The following GPAM variants were observed in gnomAD, a reference collection of about 807,000 sequenced individuals.
The protein encoded by GPAM is glycerol-3-phosphate acyltransferase 1, mitochondrial.
Under a neutral mutation model 105.0 loss-of-function variants are expected in GPAM, and 56 were observed. The observed-to-expected ratio is 0.53, with a 90% CI of 0.43 to 0.67. GPAM has a LOEUF of 0.67. Among genes scored for constraint, GPAM ranks in the 30% least tolerant of loss-of-function variants. The pLI is 0.00. For missense variants in GPAM, 855 were observed against 989.8 expected (o/e 0.86, Z 1.83); for synonymous variants, 368 against 354.4 (o/e 1.04, Z -0.43).
At chr10:112,203,222 A>G (rs1847819547) in intron 1 of GPAM, among the ~76,000 whole-genome samples, 1 of 152,250 alleles carries the variant, frequency 6.6e-6, no homozygotes, top group Non-Finnish European at 1.5e-5. Flanking sequence ...CTAGGTATTT[A>G]GGAAAGTATT....
At chr10:112,207,976 C>T (rs1416356182) in intron 1 of GPAM, among the ~76,000 whole-genome samples, 1 of 152,178 alleles carries the variant, frequency 6.6e-6, no homozygotes, top group Non-Finnish European at 1.5e-5. Context: ...AACTACAGCC[C>T]AAGAACTTGG....
chr10:112,223,962 C>A, the GPAM span, among the ~76,000 whole-genome samples: 1 of 152,170 alleles, frequency 6.6e-6, no homozygotes, highest in Non-Finnish European at 1.5e-5. Flanking sequence ...GATCCTTCCT[C>A]TGACATTCAT....
intron 5 of GPAM, among the ~76,000 whole-genome samples, chr10:112,176,486 A>C (rs2255400): frequency 0.7 from 107,081 of 152,056 alleles, 37,816 homozygotes; most frequent in South Asian, 0.83. Flanking sequence ...AGTAACTCTG[A>C]AAAGACCCAG....
In GPAM at chr10:112,158,861, T is replaced by C. The variant is rs144789220; in HGVS notation, c.1903-468A>G. Among the ~76,000 whole-genome samples the C allele has an allele frequency of 6.6e-4, 101 of 152,292 alleles. 1 individual carries two copies. Among genetic ancestry groups the C allele is most frequent in the African/African-American group, 2.3e-3 (97 of 41,552 alleles). ...AGGACAAGGTCAATCTTGGAAGTCT[T>C]ATCTGCCCTCATCCCTTCCATCCCA... On this transcript the variant is annotated intron_variant, in intron 17 of 21. Coordinates refer to ENST00000348367, the MANE Select transcript of GPAM (RefSeq NM_001244949.2).
chr10:112,158,201 G>C (rs1424292341), intron 18 of GPAM, 115 bp downstream of exon 18: 6 of 807,272 alleles, frequency 7.4e-6, no homozygotes, highest in Non-Finnish European at 1.1e-5. Flanking sequence ...AAAGTGCTGG[G>C]ATTACAGGCA....
At chr10:112,190,969 C>CTT in intron 1 of GPAM, among the ~76,000 whole-genome samples, 1 of 152,270 alleles carries the variant, frequency 6.6e-6, no homozygotes, top group East Asian at 1.9e-4. Flanking sequence ...ACACTTGCTT[C>CTT]CAAGTCTTAA....
chr10:112,207,436 AG>A, intron 1 of GPAM, among the ~76,000 whole-genome samples: 1 of 152,340 alleles, frequency 6.6e-6, no homozygotes, highest in African/African-American at 2.4e-5. Context: ...CCCCTGCATA[AG>A]CAGCCAGCAC....
At chr10:112,178,099 G>C in intron 4 of GPAM, 42 bp from the exon 5 acceptor site, 1 of 970,872 alleles carries the variant, frequency 1.0e-6, no homozygotes, top group East Asian at 2.4e-5. Context: ...TACACAACTA[G>C]ATTGACGGTG....
At chr10:112,198,896 C>T (rs910189990) in intron 1 of GPAM, among the ~76,000 whole-genome samples, 12 of 151,864 alleles carry the variant, frequency 7.9e-5, no homozygotes, top group African/African-American at 2.7e-4. Context: ...ACCTAGAGGA[C>T]ATTATTTTTA....
At chr10:112,217,431 G>A (rs549979883), upstream of GPAM, among the ~76,000 whole-genome samples, 8 of 149,236 alleles carry the variant, frequency 5.4e-5, no homozygotes, top group East Asian at 2.0e-4. Context: ...TGGTTTCCAC[G>A]TTTTGTTTGT....
At chr10:112,176,576 TTC>T (rs1257582316) in intron 5 of GPAM, among the ~76,000 whole-genome samples, 2 of 152,220 alleles carry the variant, frequency 1.3e-5, no homozygotes, top group African/African-American at 2.4e-5. Context: ...CTTCCTGCCA[TTC>T]TCTTTTTCTT....
upstream of GPAM, among the ~76,000 whole-genome samples, chr10:112,185,571 G>GACACACACACACAC (rs55812271): frequency 2.1e-5 from 3 of 143,592 alleles, no homozygotes; most frequent in African/African-American, 7.8e-5. Flanking sequence ...CACACACACA[G>GACACACACACACAC]ACACACACAC....
intron 5 of GPAM, among the ~76,000 whole-genome samples, chr10:112,176,679 A>T (rs1847410930): frequency 6.6e-6 from 1 of 152,154 alleles, no homozygotes; most frequent in Admixed American, 6.6e-5. Context: ...ATTTTCAGAA[A>T]TATTATTGGT....
At chr10:112,181,942 G>T (rs1294851907) in intron 2 of GPAM, 129 bp from the exon 3 acceptor site, 1 of 628,448 alleles carries the variant, frequency 1.6e-6, no homozygotes, top group East Asian at 2.9e-5. Flanking sequence ...CTTCTACCAT[G>T]TTGAGTCACA....
chr10:112,152,171 A>C lies in GPAM; in HGVS notation c.*1379T>G. On this transcript the variant is annotated 3_prime_UTR_variant, in exon 22 of 22. Coordinates refer to ENST00000348367, the MANE Select transcript of GPAM (RefSeq NM_001244949.2). ...ACTAAATTCAAAGAATCTATGTAAC[A>C]CTCATCTGGAAAAATTCTTAATTCC... 2.1e-6 allele frequency: 2 copies of C among 974,526 alleles called. No homozygotes were observed. The highest frequency in any genetic ancestry group is 2.4e-6 in the Non-Finnish European group (2 of 820,088). The allele number at this position is 974,526 out of a possible 1,614,324, so 60.4% of individuals were successfully genotyped here. A position where few individuals can be genotyped will look rare whatever the true frequency, so the allele number is the denominator to read the frequency against.
intron 1 of GPAM, among the ~76,000 whole-genome samples, chr10:112,199,089 A>ATGTGTGTGTGTGTGTG (rs34627276): frequency 2.2e-4 from 30 of 134,974 alleles, no homozygotes; most frequent in East Asian, 2.2e-3. Flanking sequence ...CGCCTGGCTA[A>ATGTGTGTGTGTGTGTG]TGTGTGTGTG....
upstream of GPAM, among the ~76,000 whole-genome samples, chr10:112,184,474 G>A (rs1331945626): frequency 6.6e-6 from 1 of 152,112 alleles, no homozygotes; most frequent in African/African-American, 2.4e-5. Flanking sequence ...ACATCGATTT[G>A]TACCCCCTAA....
Position 112,160,028 on chromosome 10 carries a change from G to T in GPAM, c.1785C>A (p.Asn595Lys). 1 of 1,613,970 alleles carries T rather than the reference G, an allele frequency of 6.2e-7. No individual in the cohort carries two copies. The highest frequency in any genetic ancestry group is 1.7e-5 in the Admixed American group (1 of 60,016). ...TAGTGGGACCCCCCAGTCCCCTCTT[G>T]TTCAGAACTGCATAAAGGCTGCAAG... ...IIACSLYAVL[N>K]KRGLGGPTST... The change falls in exon 17 of 22, where the codon AAC becomes AAA. Residue 595 changes from asparagine to lysine, a missense_variant. Transcript: ENST00000348367.
rs1013837032 is a variant in GPAM at position 112,189,900 on chromosome 10, T to C, written n.211-7009A>G. Among the ~76,000 whole-genome samples the C allele has an allele frequency of 7.9e-5, 12 of 152,156 alleles. 1 individual carries two copies. Among genetic ancestry groups the C allele is most frequent in the Non-Finnish European group, 1.5e-4 (10 of 68,036 alleles). ...GTTACTCTCGGGTAACATTCCTGAT[T>C]GTCACTATGTAGGTTCATTTTAATG... On this transcript the variant is annotated intron_variant and non_coding_transcript_variant, in intron 1 of 3. Coordinates refer to the GPAM transcript ENST00000480130.
Sources: gnomAD v4.1 joint callset for allele counts (sites outside exome capture counted in the v4.1 genomes callset) on GRCh38, gnomAD v4.1.1 for gene constraint, MANE v1.5 for transcripts, NCBI Gene and HGNC (gene_info 2026-07-23, HGNC 2026-07-21) for gene names.